The following EPM2A variants were observed in gnomAD, a reference collection of about 807,000 sequenced individuals.
The protein encoded by EPM2A is EPM2A glucan phosphatase, laforin.
EPM2A carries 21 observed loss-of-function variants against 26.5 expected under a neutral mutation model. The ratio of observed to expected loss-of-function variants is 0.79; its 90% CI spans 0.56 to 1.14. The LOEUF (loss-of-function observed/expected upper bound fraction) is 1.14, where lower values mean the gene tolerates loss of function less well. Among genes scored for constraint, EPM2A ranks in the 50% most tolerant of loss-of-function variants. The pLI is 0.00. For synonymous variants in EPM2A, 217 were observed against 177.6 expected (o/e 1.22, Z -1.76); for missense variants, 458 against 440.8 (o/e 1.04, Z -0.35).
chr6:145,573,869 A>G (rs1372337306), intron 2 of EPM2A, among the ~76,000 whole-genome samples: 3 of 152,198 alleles, frequency 2.0e-5, no homozygotes, highest in Non-Finnish European at 1.5e-5. Flanking sequence ...CCTGAGCTCC[A>G]TAAGCCCCCT....
At chr6:145,718,219 T>C (rs1775748444) in intron 1 of EPM2A, among the ~76,000 whole-genome samples, 2 of 151,532 alleles carry the variant, frequency 1.3e-5, no homozygotes, top group African/African-American at 2.4e-5. Context: ...CTTCAAACTA[T>C]ACTACAAGGC....
chr6:145,410,968 C>T (rs1489938500), intron 4 of EPM2A, among the ~76,000 whole-genome samples: 1 of 152,140 alleles, frequency 6.6e-6, no homozygotes, highest in Non-Finnish European at 1.5e-5. Flanking sequence ...CCAGTTTTCT[C>T]TAATAACATC....
At chr6:145,436,529 A>G (rs142559267) in intron 4 of EPM2A, among the ~76,000 whole-genome samples, 161 of 152,254 alleles carry the variant, frequency 1.1e-3, no homozygotes, top group African/African-American at 3.7e-3. Flanking sequence ...TTTTACTGTT[A>G]ACATCCTAGG....
intron 4 of EPM2A, among the ~76,000 whole-genome samples, chr6:145,428,995 T>C (rs1456199764): frequency 1.3e-5 from 2 of 152,208 alleles, no homozygotes; most frequent in African/African-American, 4.8e-5. Flanking sequence ...AGAGAGCTCA[T>C]AACCAAAAGC....
chr6:145,522,362 C>T (rs1780214567), intron 2 of EPM2A, among the ~76,000 whole-genome samples: 2 of 152,122 alleles, frequency 1.3e-5, no homozygotes, highest in Middle Eastern at 3.4e-3. Flanking sequence ...ATAACATGTC[C>T]TGGGGTTAAC....
chr6:145,511,536 T>C (rs571853335), intron 2 of EPM2A, among the ~76,000 whole-genome samples: 3 of 152,302 alleles, frequency 2.0e-5, no homozygotes, highest in Admixed American at 2.0e-4. Context: ...AGAACAGCAT[T>C]TGATAAAATC....
rs752244019 is a variant in EPM2A at position 145,735,228 on chromosome 6, G to A, written c.271C>T (p.Arg91Trp). 2.0e-6 allele frequency: 3 copies of A among 1,537,692 alleles called. No homozygotes were observed. Among genetic ancestry groups the A allele is most frequent in the South Asian group, 2.4e-5 (2 of 83,042 alleles). The change falls in exon 1 of 4, where the codon CGG becomes TGG. Residue 91 changes from arginine to tryptophan, a missense_variant. By Grantham distance (101) the Arg-to-Trp change is moderately radical. Coordinates refer to ENST00000367519, the MANE Select transcript of EPM2A (RefSeq NM_005670.4). ...CAGGAGAGCTCTCCTCCCGGCTCCC[G>A]CTTCAGGAACTTGTACCAGAACGTG... ...VDTFWYKFLK[R>W]EPGGELSWEG... is the part of the protein sequence containing the mutation.
chr6:145,424,426 A>G (rs2114686319), intron 4 of EPM2A, among the ~76,000 whole-genome samples: 1 of 152,358 alleles, frequency 6.6e-6, no homozygotes, highest in African/African-American at 2.4e-5. Context: ...ATTCATAAAG[A>G]TAAGTTATAG....
intron 2 of EPM2A, among the ~76,000 whole-genome samples, chr6:145,514,431 G>T (rs1474589654): frequency 6.6e-6 from 1 of 151,878 alleles, no homozygotes; most frequent in Non-Finnish European, 1.5e-5. Context: ...GAATTCTGAG[G>T]GTACTAGATC....
chr6:145,622,746 C>T (rs947157194), downstream of EPM2A, among the ~76,000 whole-genome samples: 4 of 152,158 alleles, frequency 2.6e-5, no homozygotes, highest in Non-Finnish European at 5.9e-5. Flanking sequence ...GAGGAACTGG[C>T]GCTGCTCACC....
chr6:145,700,550 A>C (rs1441601558), intron 1 of EPM2A, among the ~76,000 whole-genome samples: 1 of 152,152 alleles, frequency 6.6e-6, no homozygotes, highest in African/African-American at 2.4e-5. Context: ...TAAAGCCCAC[A>C]CACACAAAAA....
At chr6:145,606,276 GT>G (rs1190554831) in intron 2 of EPM2A, among the ~76,000 whole-genome samples, 1 of 151,856 alleles carries the variant, frequency 6.6e-6, no homozygotes, top group Non-Finnish European at 1.5e-5. Flanking sequence ...TTTCTTAACT[GT>G]TTATTTTTCT....
At chr6:145,413,209 G>C (rs1023542940) in intron 4 of EPM2A, among the ~76,000 whole-genome samples, 1 of 152,308 alleles carries the variant, frequency 6.6e-6, no homozygotes, top group African/African-American at 2.4e-5. Context: ...AATGTCTACA[G>C]GGAGGTCTTG....
intron 2 of EPM2A, among the ~76,000 whole-genome samples, chr6:145,580,376 A>G (rs536459418): frequency 1.3e-5 from 2 of 152,292 alleles, no homozygotes; most frequent in African/African-American, 2.4e-5. Flanking sequence ...CTTGAATAAC[A>G]CTATTATTGG....
In EPM2A at chr6:145,419,004, G is replaced by C. The variant is rs979100809; in HGVS notation, c.556-34907C>G. Among the ~76,000 whole-genome samples, 4 of 152,134 alleles carry C rather than the reference G, an allele frequency of 2.6e-5. No individual in the cohort carries two copies. In the South Asian group the frequency reaches 8.3e-4, roughly 32 times the overall value. On this transcript the variant is annotated intron_variant, in intron 4 of 4. Transcript: ENST00000638717. ...TGTTGAGAAAAGGCATTTGACTGGC[G>C]AGTCAGAGGCCTTTGGTTCTATTTC...
At chr6:145,528,047 C>T (rs2114780665) in intron 2 of EPM2A, among the ~76,000 whole-genome samples, 1 of 152,236 alleles carries the variant, frequency 6.6e-6, no homozygotes, top group East Asian at 1.9e-4. Flanking sequence ...AAACTAAAGC[C>T]TAATCCAGAG....
intron 2 of EPM2A, among the ~76,000 whole-genome samples, chr6:145,680,744 G>A (rs1234434967): frequency 1.3e-5 from 2 of 152,162 alleles, no homozygotes; most frequent in Non-Finnish European, 2.9e-5. Context: ...TGGCTGCATA[G>A]TATTCCATGG....
At chr6:145,582,598 T>C (rs1247861483) in intron 2 of EPM2A, among the ~76,000 whole-genome samples, 1 of 152,236 alleles carries the variant, frequency 6.6e-6, no homozygotes, top group African/African-American at 2.4e-5. Flanking sequence ...TTTTCTTTCA[T>C]ATTGACCTTA....
chr6:145,493,103 C>T lies in EPM2A; in HGVS notation c.555+9419G>A, dbSNP rs569559288. Among the ~76,000 whole-genome samples, 4 of 152,274 alleles carry T rather than the reference C, an allele frequency of 2.6e-5. No homozygotes were observed. In the South Asian group the frequency reaches 8.3e-4, roughly 32 times the overall value. On this transcript the variant is annotated intron_variant, in intron 4 of 4. Transcript: ENST00000638717. ...ACCCTTCCCTACCCCTCCATTTCCC[C>T]ACAAGAGCCAGGGTTCTCCCTCTTC...
Sources: allele counts gnomAD v4.1 joint callset (sites outside exome capture counted in the v4.1 genomes callset), GRCh38; gene constraint gnomAD v4.1.1; transcripts MANE v1.5; gene names NCBI Gene and HGNC (gene_info 2026-07-23, HGNC 2026-07-21).